Variants in AK3 observed in about 807,000 individuals in gnomAD.
AK3 encodes the protein adenylate kinase 3.
AK3 carries 27 observed loss-of-function variants against 23.7 expected under a neutral mutation model. The observed-to-expected ratio is 1.14, with a 90% CI of 0.84 to 1.57. The LOEUF is 1.57. Ranked by LOEUF, AK3 falls within the 40% of genes most tolerant of loss-of-function variation. AK3 has a pLI of 0.00. For missense variants in AK3, 406 were observed against 285.6 expected (o/e 1.42, Z -3.04); for synonymous variants, 159 against 116.0 (o/e 1.37, Z -2.38).
chr9:4,739,457 G>A (rs1196286496), intron 1 of AK3, among the ~76,000 whole-genome samples: 1 of 151,018 alleles, frequency 6.6e-6, no homozygotes, highest in African/African-American at 2.4e-5. Context: ...ACCTCACAAA[G>A]TGCTGGGATT....
rs1329267479 is a variant in AK3 at position 4,710,253 on chromosome 9, G to T, written c.*2723C>A. On this transcript the variant is annotated 3_prime_UTR_variant, in exon 5 of 5. Coordinates refer to ENST00000381809, the MANE Select transcript of AK3 (RefSeq NM_016282.4). ...GACGGAGTCTCCCTCTGTCGCCCAG[G>T]CTGGAGTGCAGTGGCACGATCTCAG... The T allele has an allele frequency of 6.6e-6, 1 of 152,234 alleles. No individual in the cohort carries two copies. Among genetic ancestry groups the T allele is most frequent in the Non-Finnish European group, 1.5e-5 (1 of 68,158 alleles). The allele number at this position is 152,234 out of a possible 1,614,324, so 9.4% of individuals were successfully genotyped here.
At chr9:4,729,398 G>C (rs1468659183) in intron 1 of AK3, among the ~76,000 whole-genome samples, 1 of 152,140 alleles carries the variant, frequency 6.6e-6, no homozygotes, top group Non-Finnish European at 1.5e-5. Context: ...CTGAGGCCCA[G>C]GAGCTCAACG....
intron 1 of AK3, among the ~76,000 whole-genome samples, chr9:4,728,500 G>A (rs1213857146): frequency 2.0e-5 from 3 of 152,192 alleles, no homozygotes; most frequent in Admixed American, 2.0e-4. Context: ...GAACCTGGGA[G>A]GCGGAGGTTT....
At chr9:4,725,061 C>T (rs1841992231) in intron 1 of AK3, among the ~76,000 whole-genome samples, 1 of 142,910 alleles carries the variant, frequency 7.0e-6, no homozygotes, top group South Asian at 2.2e-4. Context: ...TCACTCTTGT[C>T]ACCCAGGCTA....
In AK3 at chr9:4,729,013, A is replaced by ATTT. The variant is rs754323325; in HGVS notation, c.152-6389_152-6388insAAA. On this transcript the variant is annotated intron_variant, in intron 1 of 4. Transcript: ENST00000381809. The stretch of plus-strand genomic sequence containing the variant: ...CACACACACACATATATATATATAT[A>ATTT]TATTTTTTTTTTTTGAGACGGAATT... 3.7e-4 allele frequency among the ~76,000 whole-genome samples: 41 copies of ATTT among 109,804 alleles called. 1 individual carries two copies. Among genetic ancestry groups the ATTT allele is most frequent in the African/African-American group, 1.3e-3 (36 of 28,222 alleles). 72.0% of individuals were successfully genotyped at this position (109,804 alleles called of 152,430 possible). A position where few individuals can be genotyped will look rare whatever the true frequency, so the allele number is the denominator to read the frequency against.
chr9:4,724,266 A>C (rs1053491019), intron 1 of AK3, among the ~76,000 whole-genome samples: 1 of 152,138 alleles, frequency 6.6e-6, no homozygotes, highest in Non-Finnish European at 1.5e-5. Flanking sequence ...TTGGAAAAAA[A>C]AATGTAAAAA....
intron 1 of AK3, among the ~76,000 whole-genome samples, chr9:4,729,124 C>T (rs1842095103): frequency 6.6e-6 from 1 of 151,158 alleles, no homozygotes; most frequent in Non-Finnish European, 1.5e-5. Context: ...GATTCTCCTG[C>T]CTCCACCTCC....
intron 1 of AK3, among the ~76,000 whole-genome samples, chr9:4,738,474 A>G (rs1383900023): frequency 6.6e-6 from 1 of 152,144 alleles, no homozygotes; most frequent in Non-Finnish European, 1.5e-5. Context: ...CTTAAACATC[A>G]TTTTTAAGAC....
At chr9:4,729,015 A>ATATATATTTTT (rs71326127) in intron 1 of AK3, among the ~76,000 whole-genome samples, 1,576 of 129,374 alleles carry the variant, frequency 0.012, 32 homozygotes, top group East Asian at 0.028. Flanking sequence ...ATATATATAT[A>ATATATATTTTT]TTTTTTTTTT....
chr9:4,730,142 A>T (rs1440225834), intron 1 of AK3, among the ~76,000 whole-genome samples: 1 of 152,212 alleles, frequency 6.6e-6, no homozygotes, highest in African/African-American at 2.4e-5. Flanking sequence ...AAAGAGATGG[A>T]AAGAAGATTA....
At position 4,740,073 on chromosome 9, in the gene AK3, AAAAAG is replaced by A. The variant is rs1312304197; in HGVS notation, c.151+859_151+863del. 1.8e-3 allele frequency among the ~76,000 whole-genome samples: 260 copies of A among 147,166 alleles called. 2 individuals are homozygous for A. The highest frequency in any genetic ancestry group is 5.3e-3 in the South Asian group (25 of 4,730). On this transcript the variant is annotated intron_variant, in intron 1 of 4. Transcript: ENST00000381809. ...TTGCTATCCTTACAAAAAAAAAAAA[AAAAAG>A]AAGGAAAACAAAAGAAAAAGGCCTT...
chr9:4,718,360 A>G lies in AK3; in HGVS notation c.563+59T>C. ...GCATTTCAGCTGTAGAGGAAGGAAA[A>G]TCAAAACTAGACTTAGTGCACCACT... On this transcript the variant is annotated intron_variant, in intron 4 of 4. Coordinates refer to ENST00000381809, the MANE Select transcript of AK3 (RefSeq NM_016282.4). 2.3e-6 allele frequency: 3 copies of G among 1,326,130 alleles called. 1 individual carries two copies. The South Asian group carries it at 3.6e-5, about 16-fold the overall frequency. 82.1% of individuals were successfully genotyped at this position (1,326,130 alleles called of 1,614,324 possible).
At chr9:4,720,964 C>G (rs1841880309) in intron 2 of AK3, among the ~76,000 whole-genome samples, 1 of 152,158 alleles carries the variant, frequency 6.6e-6, no homozygotes, top group African/African-American at 2.4e-5. Flanking sequence ...TGTCTCTCCA[C>G]CCATGTAATC....
At chr9:4,736,673 T>C (rs1842301485) in intron 1 of AK3, among the ~76,000 whole-genome samples, 1 of 151,974 alleles carries the variant, frequency 6.6e-6, no homozygotes, top group Non-Finnish European at 1.5e-5. Flanking sequence ...GGCCGTCTAG[T>C]CTAGGGTTAT....
At chr9:4,728,472 G>A (rs911206418) in intron 1 of AK3, among the ~76,000 whole-genome samples, 37 of 152,324 alleles carry the variant, frequency 2.4e-4, no homozygotes, top group African/African-American at 8.4e-4. Flanking sequence ...CTGGGAGGCT[G>A]AGGCAGGAGA....
At chr9:4,737,192 T>C (rs1460837089) in intron 1 of AK3, among the ~76,000 whole-genome samples, 2 of 152,140 alleles carry the variant, frequency 1.3e-5, no homozygotes, top group African/African-American at 4.8e-5. Context: ...TTAATAGCTA[T>C]AATTTTCATG....
intron 4 of AK3, among the ~76,000 whole-genome samples, chr9:4,716,678 C>T (rs755854481): frequency 6.6e-6 from 1 of 152,206 alleles, no homozygotes; most frequent in Non-Finnish European, 1.5e-5. Context: ...TACCTGTAAT[C>T]CCAATGTTTT....
At chr9:4,740,577 G>T (rs952162034) in intron 1 of AK3, among the ~76,000 whole-genome samples, 6 of 152,196 alleles carry the variant, frequency 3.9e-5, no homozygotes, top group Non-Finnish European at 5.9e-5. Flanking sequence ...GTCTTCCAAA[G>T]GCACCAGCAC....
chr9:4,724,099 T>A (rs752924251), intron 1 of AK3, among the ~76,000 whole-genome samples: 1 of 152,192 alleles, frequency 6.6e-6, no homozygotes, highest in Non-Finnish European at 1.5e-5. Flanking sequence ...GTGGCACGTG[T>A]GCTGCTGGAT....
Sources: allele counts gnomAD v4.1 joint callset (sites outside exome capture counted in the v4.1 genomes callset), GRCh38; gene constraint gnomAD v4.1.1; transcripts MANE v1.5; gene names NCBI Gene and HGNC (gene_info 2026-07-23, HGNC 2026-07-21).